Variants in RAB27B observed in about 807,000 individuals in gnomAD.
The protein encoded by RAB27B is RAB27B, member RAS oncogene family.
A neutral mutation model predicts 24.6 loss-of-function variants in RAB27B; 15 were observed. That is an observed-to-expected ratio of 0.61 (90% CI 0.41 to 0.94). RAB27B has a LOEUF of 0.94. Among genes scored for constraint, RAB27B ranks in the 40% least tolerant of loss-of-function variants. The pLI is 0.00. For synonymous variants in RAB27B, 105 were observed against 92.5 expected, an observed-to-expected ratio of 1.14 and a Z score of -0.78; for missense variants, 261 against 266.8, an observed-to-expected ratio of 0.98 and a Z score of 0.15.
chr18:54,884,254 A>G, intron 3 of RAB27B, 79 bp from the exon 4 acceptor site: 1 of 872,578 alleles, frequency 1.1e-6, no homozygotes. Flanking sequence ...TTCATACCTG[A>G]AAGGGAAACT....
chr18:54,879,354 C>T lies in RAB27B; in HGVS notation c.154-15C>T, dbSNP rs537935191. The T allele has an allele frequency of 8.2e-6, 13 of 1,593,492 alleles. No individual in the cohort carries two copies. Among genetic ancestry groups the T allele is most frequent in the African/African-American group, 6.7e-5 (5 of 74,504 alleles). The stretch of plus-strand genomic sequence containing the variant: ...ATCCAAAGCAACCTCAACTAATGAA[C>T]GTTGTATCTTTCAGGTTTATAATGC... On this transcript the variant is annotated splice_polypyrimidine_tract_variant and intron_variant, in intron 2 of 5. Transcript: ENST00000262094.
chr18:54,802,660 G>A (rs574344778), intron 2 of RAB27B, among the ~76,000 whole-genome samples: 2 of 152,234 alleles, frequency 1.3e-5, no homozygotes, highest in South Asian at 2.1e-4. Flanking sequence ...TATTTCAATG[G>A]AATATAAGGC....
intron 1 of RAB27B, among the ~76,000 whole-genome samples, chr18:54,832,468 G>A (rs1000856717): frequency 3.3e-5 from 5 of 152,204 alleles, no homozygotes; most frequent in African/African-American, 1.2e-4. Context: ...GGAATTATCA[G>A]CTTGGGCTTT....
intron 2 of RAB27B, among the ~76,000 whole-genome samples, chr18:54,806,838 G>A (rs1909805899): frequency 6.6e-6 from 1 of 152,096 alleles, no homozygotes; most frequent in Non-Finnish European, 1.5e-5. Flanking sequence ...AACATTCTAA[G>A]TCACTTAAAG....
intron 2 of RAB27B, among the ~76,000 whole-genome samples, chr18:54,737,450 G>A (rs73959264): frequency 0.06 from 9,193 of 152,204 alleles, 669 homozygotes; most frequent in African/African-American, 0.16. Flanking sequence ...TAGCTAATGA[G>A]TAGATTGATC....
At chr18:54,860,786 A>G (rs2145236514) in intron 1 of RAB27B, among the ~76,000 whole-genome samples, 1 of 152,374 alleles carries the variant, frequency 6.6e-6, no homozygotes, top group East Asian at 1.9e-4. Flanking sequence ...GCATCTATGT[A>G]GGGTAGAAAG....
At chr18:54,858,386 T>A (rs144281572) in intron 1 of RAB27B, among the ~76,000 whole-genome samples, 1 of 139,130 alleles carries the variant, frequency 7.2e-6, no homozygotes, top group Non-Finnish European at 1.6e-5. Flanking sequence ...TGTTTTTTTT[T>A]TTTTTTTTTT....
Position 54,892,673 on chromosome 18 carries a change from A to T in RAB27B, c.*3260A>T, listed in dbSNP as rs1318592182. 6.6e-6 allele frequency: 1 copy of T among 152,116 alleles called. No homozygotes were observed. Among genetic ancestry groups the T allele is most frequent in the African/African-American group, 2.4e-5 (1 of 41,456 alleles). The allele number at this position is 152,116 out of a possible 1,614,324, so 9.4% of individuals were successfully genotyped here. On this transcript the variant is annotated 3_prime_UTR_variant, in exon 6 of 6. Coordinates refer to ENST00000262094, the MANE Select transcript of RAB27B (RefSeq NM_004163.4). ...AAGAGTTGAGCCTGTGGGTCTCTCC[A>T]TAAGAGTTTTAAAACTCTTGCCAGT...
intron 2 of RAB27B, among the ~76,000 whole-genome samples, chr18:54,757,304 T>C (rs546226797): frequency 1.3e-5 from 2 of 152,282 alleles, no homozygotes; most frequent in Non-Finnish European, 2.9e-5. Context: ...AGAGATAAAA[T>C]TTGAGCTCTT....
At chr18:54,840,698 G>A (rs1361424032) in intron 1 of RAB27B, among the ~76,000 whole-genome samples, 2 of 152,072 alleles carry the variant, frequency 1.3e-5, no homozygotes, top group Non-Finnish European at 2.9e-5. Flanking sequence ...TTGTAGAAAG[G>A]GCCTTTTGTC....
chr18:54,850,359 T>C lies in RAB27B; in HGVS notation c.-20+21659T>C, dbSNP rs867943093. On this transcript the variant is annotated intron_variant, in intron 1 of 5. Coordinates refer to ENST00000262094, the MANE Select transcript of RAB27B (RefSeq NM_004163.4). ...ATATATATATATATATATATATATA[T>C]ACATACATACATATGTTTAGTTTTT... 5.0e-4 allele frequency among the ~76,000 whole-genome samples: 64 copies of C among 126,826 alleles called. 3 individuals are homozygous for C. The highest frequency in any genetic ancestry group is 1.2e-3 in the African/African-American group (39 of 31,972). The allele number at this position is 126,826 out of a possible 152,430, so 83.2% of individuals were successfully genotyped here. A position where few individuals can be genotyped will look rare whatever the true frequency, so the allele number is the denominator to read the frequency against.
At chr18:54,825,507 CTAAA>C (rs745371560), upstream of RAB27B, among the ~76,000 whole-genome samples, 2 of 152,072 alleles carry the variant, frequency 1.3e-5, no homozygotes, top group African/African-American at 2.4e-5. Flanking sequence ...TTTTCTGCAG[CTAAA>C]TAGATTTTTC....
intron 2 of RAB27B, among the ~76,000 whole-genome samples, chr18:54,727,194 G>A (rs1233877658): frequency 1.2e-4 from 18 of 152,060 alleles, no homozygotes; most frequent in Admixed American, 9.8e-4. Context: ...GGCTGGTCTT[G>A]AACTCCTGAC....
intron 2 of RAB27B, among the ~76,000 whole-genome samples, chr18:54,817,400 A>C (rs1450371890): frequency 1.3e-5 from 2 of 152,172 alleles, no homozygotes; most frequent in East Asian, 3.9e-4. Context: ...TCAAGTTTAT[A>C]ATGTATAGGC....
chr18:54,880,076 TTAAGGTC>T (rs1912862308), intron 3 of RAB27B: 1 of 147,478 alleles, frequency 6.8e-6, no homozygotes, highest in Non-Finnish European at 1.5e-5. Flanking sequence ...TATTTCACCC[TTAAGGTC>T]TAAATAATTA....
At chr18:54,738,663 C>A (rs1306193055) in intron 2 of RAB27B, among the ~76,000 whole-genome samples, 1 of 152,174 alleles carries the variant, frequency 6.6e-6, no homozygotes, top group Admixed American at 6.5e-5. Flanking sequence ...ATATCCCAGA[C>A]ATTGCAATCA....
chr18:54,889,938 A>G lies in RAB27B; in HGVS notation c.*525A>G, dbSNP rs549059634. 1.3e-5 allele frequency: 2 copies of G among 152,544 alleles called. No homozygotes were observed. Among genetic ancestry groups the G allele is most frequent in the South Asian group, 4.1e-4 (2 of 4,836 alleles). 9.4% of individuals were successfully genotyped at this position (152,544 alleles called of 1,614,324 possible). ...TAAGAATGATATACTATGTACACCC[A>G]ATAAGCTGTACTAGAATGAATAAAT... On this transcript the variant is annotated 3_prime_UTR_variant, in exon 6 of 6. Coordinates refer to ENST00000262094, the MANE Select transcript of RAB27B (RefSeq NM_004163.4).
rs1029381325 is a variant in RAB27B, at chr18:54,738,687, C to T, written c.-20+20546C>T. Among the ~76,000 whole-genome samples the T allele has an allele frequency of 7.2e-5, 11 of 152,310 alleles. 1 individual carries two copies. Among genetic ancestry groups the T allele is most frequent in the East Asian group, 1.9e-4 (1 of 5,186 alleles). ...ACATTGCAATCAGATTTTTCCATAA[C>T]GTACCTCTACCTTAAATCCCTTTTT... is the stretch of plus-strand genomic sequence containing the variant. On this transcript the variant is annotated intron_variant, in intron 2 of 4. Transcript: ENST00000586570.
At chr18:54,769,065 A>C (rs2145065889) in intron 2 of RAB27B, among the ~76,000 whole-genome samples, 1 of 152,288 alleles carries the variant, frequency 6.6e-6, no homozygotes, top group African/African-American at 2.4e-5. Context: ...TCATTGCAGC[A>C]TTAACTCAAA....
Sources: allele counts gnomAD v4.1 joint callset (sites outside exome capture counted in the v4.1 genomes callset), GRCh38; gene constraint gnomAD v4.1.1; transcripts MANE v1.5; gene names NCBI Gene and HGNC (gene_info 2026-07-23, HGNC 2026-07-21).